Variants in SND1 observed in about 807,000 individuals in gnomAD.
The protein encoded by SND1 is staphylococcal nuclease domain-containing protein 1.
In SND1, 38 loss-of-function variants were observed where a neutral mutation model predicts 121.7. That is an observed-to-expected ratio of 0.31 (90% CI 0.24 to 0.41). SND1 has a LOEUF of 0.41. SND1 is among the 10% of genes least tolerant of loss of function. SND1 has a pLI of 1.00. For missense variants in SND1, 868 were observed against 1,184.6 expected, an observed-to-expected ratio of 0.73 and a Z score of 3.92; for synonymous variants, 401 against 447.4, an observed-to-expected ratio of 0.90 and a Z score of 1.31.
At chr7:127,907,913 C>A (rs1194575854) in intron 14 of SND1, among the ~76,000 whole-genome samples, 1 of 152,140 alleles carries the variant, frequency 6.6e-6, no homozygotes, top group Non-Finnish European at 1.5e-5. Context: ...AAATACAAGA[C>A]CTGCTTGGCT....
intron 16 of SND1, among the ~76,000 whole-genome samples, chr7:128,038,804 A>ACT (rs1792798765): frequency 6.6e-6 from 1 of 152,324 alleles, no homozygotes; most frequent in East Asian, 1.9e-4. Context: ...TAACCACAGA[A>ACT]CATTTATTCA....
intron 10 of SND1, among the ~76,000 whole-genome samples, chr7:127,749,456 A>G (rs1374879152): frequency 6.6e-6 from 1 of 152,144 alleles, no homozygotes; most frequent in Non-Finnish European, 1.5e-5. Context: ...TGATGTGATT[A>G]CAGTGTTATG....
intron 10 of SND1, among the ~76,000 whole-genome samples, chr7:127,772,699 A>G (rs62481386): frequency 6.6e-5 from 1 of 15,248 alleles, no homozygotes; most frequent in Non-Finnish European, 2.6e-3. Context: ...TGAAACATGT[A>G]ATTTTTTTTT....
chr7:127,941,121 G>T (rs1440647150), intron 15 of SND1, among the ~76,000 whole-genome samples: 1 of 152,200 alleles, frequency 6.6e-6, no homozygotes, highest in Non-Finnish European at 1.5e-5. Context: ...AGACACAACT[G>T]CATTCTCTCC....
chr7:127,747,691 A>C (rs998083867), intron 10 of SND1, among the ~76,000 whole-genome samples: 32 of 152,358 alleles, frequency 2.1e-4, no homozygotes, highest in Admixed American at 1.6e-3. Context: ...ATAGGCCCAC[A>C]GCATGGTATT....
chr7:127,848,742 G>T (rs933647322), intron 12 of SND1, among the ~76,000 whole-genome samples: 4 of 152,178 alleles, frequency 2.6e-5, no homozygotes, highest in Non-Finnish European at 5.9e-5. Flanking sequence ...AGGCAGATGA[G>T]ATGGTGTCTC....
intron 1 of SND1, among the ~76,000 whole-genome samples, chr7:127,681,522 G>T (rs947553967): frequency 1.3e-5 from 2 of 152,018 alleles, no homozygotes; most frequent in African/African-American, 4.8e-5. Context: ...TTTTTAAGTT[G>T]CTTGTGTTTT....
chr7:127,872,589 T>C (rs1053096842), intron 12 of SND1, among the ~76,000 whole-genome samples: 14 of 151,442 alleles, frequency 9.2e-5, no homozygotes, highest in Admixed American at 7.9e-4. Context: ...AGTGTTGATA[T>C]GACACAGTAT....
chr7:128,076,903 G>A (rs1793515602), intron 17 of SND1, among the ~76,000 whole-genome samples: 1 of 152,182 alleles, frequency 6.6e-6, no homozygotes, highest in African/African-American at 2.4e-5. Flanking sequence ...ATTCCTCCCT[G>A]TGCCCTGTGG....
intron 1 of SND1, among the ~76,000 whole-genome samples, chr7:127,679,832 G>A (rs2116286901): frequency 6.6e-6 from 1 of 152,288 alleles, no homozygotes; most frequent in Admixed American, 6.5e-5. Context: ...ACCAGTTACA[G>A]CTGTTGATGA....
chr7:127,735,354 A>G (rs1444258029), intron 10 of SND1, among the ~76,000 whole-genome samples: 1 of 152,118 alleles, frequency 6.6e-6, no homozygotes, highest in Non-Finnish European at 1.5e-5. Flanking sequence ...TTCTTATTTT[A>G]ACATATTTTT....
Position 128,029,927 on chromosome 7 carries a change from G to C in SND1, c.1779+38871G>C. The C allele has an allele frequency of 6.2e-7, 1 of 1,613,240 alleles. No homozygotes were observed. Among genetic ancestry groups the C allele is most frequent in the Non-Finnish European group, 8.5e-7 (1 of 1,180,028 alleles). ...GCTTCTTGAGGGAGCTCAGGCCATGGAAGGAGCCAGGCCTGATCTCAGGGA... is the reference window on the plus strand; with the variant it reads ...GCTTCTTGAGGGAGCTCAGGCCATGCAAGGAGCCAGGCCTGATCTCAGGGA... On this transcript the variant is annotated intron_variant, in intron 16 of 23. Coordinates refer to ENST00000354725, the MANE Select transcript of SND1 (RefSeq NM_014390.4). This position sits in a 1 kb window ranked among gnomAD's most constrained non-coding sequence, Gnocchi z 4.2.
intron 10 of SND1, among the ~76,000 whole-genome samples, chr7:127,805,354 G>A (rs1227920941): frequency 4.6e-5 from 7 of 152,198 alleles, no homozygotes; most frequent in African/African-American, 1.7e-4. Context: ...TCTATCTGGA[G>A]TATGTTGATT....
chr7:127,653,170 C>T (rs1587569461), intron 1 of SND1, among the ~76,000 whole-genome samples: 1 of 152,318 alleles, frequency 6.6e-6, no homozygotes, highest in African/African-American at 2.4e-5. Flanking sequence ...GTGCTCATAG[C>T]ACTATAGATT....
intron 15 of SND1, among the ~76,000 whole-genome samples, chr7:127,946,713 C>T (rs566742435): frequency 1.3e-5 from 2 of 152,332 alleles, no homozygotes; most frequent in East Asian, 3.9e-4. Context: ...AATGGCATGA[C>T]TATGGCGAGT....
intron 16 of SND1, among the ~76,000 whole-genome samples, chr7:128,064,043 A>T (rs1051065192): frequency 1.3e-5 from 2 of 149,784 alleles, no homozygotes; most frequent in African/African-American, 2.4e-5. Flanking sequence ...AGATTGGGAA[A>T]TTTTTTTTTT....
At chr7:127,677,546 CA>C (rs1164692983) in intron 1 of SND1, among the ~76,000 whole-genome samples, 2 of 152,190 alleles carry the variant, frequency 1.3e-5, no homozygotes, top group African/African-American at 4.8e-5. Context: ...TGCTTTATAT[CA>C]GGGGTTGGCA....
intron 15 of SND1, among the ~76,000 whole-genome samples, chr7:127,960,287 T>G (rs1400473696): frequency 5.3e-5 from 8 of 152,194 alleles, no homozygotes; most frequent in Admixed American, 5.2e-4. Context: ...AGTAAGTGCA[T>G]CGTGTGGGAC....
chr7:128,076,174 G>T (rs899357101), intron 17 of SND1, among the ~76,000 whole-genome samples: 2 of 152,172 alleles, frequency 1.3e-5, no homozygotes, highest in Non-Finnish European at 2.9e-5. Context: ...GAACCCAGGG[G>T]AGCACAGGGA....
Sources: allele counts gnomAD v4.1 joint callset (sites outside exome capture counted in the v4.1 genomes callset), GRCh38; gene constraint gnomAD v4.1.1; non-coding constraint Gnocchi (gnomAD v3.1); transcripts MANE v1.5; gene names NCBI Gene and HGNC (gene_info 2026-07-23, HGNC 2026-07-21).